Variants in ALS2CL observed in about 807,000 individuals in gnomAD.
ALS2CL encodes the protein ALS2 C-terminal like.
Under a neutral mutation model 127.9 loss-of-function variants are expected in ALS2CL, and 112 were observed. The ratio of observed to expected loss-of-function variants is 0.88; its 90% confidence interval spans 0.75 to 1.02. ALS2CL has a LOEUF of 1.02. Among genes scored for constraint, ALS2CL ranks in the 50% least tolerant of loss-of-function variants. The probability of loss-of-function intolerance (pLI) is 0.00; values close to 1 mark genes in which losing one functional copy is unlikely to be tolerated. For missense variants in ALS2CL, 1,174 were observed against 1,236.7 expected (o/e 0.95, Z 0.76); for synonymous variants, 519 against 527.6 (o/e 0.98, Z 0.22).
At chr3:46,680,691 G>C in intron 13 of ALS2CL, 150 bp from the exon 14 acceptor site, 1 of 661,104 alleles carries the variant, frequency 1.5e-6, no homozygotes, top group Non-Finnish European at 2.6e-6. Flanking sequence ...AGAGAGGTCA[G>C]GACCCCCAAG....
rs1698289825 is a variant in ALS2CL, at chr3:46,670,320, A to G, written c.*664T>C. On this transcript the variant is annotated 3_prime_UTR_variant, in exon 26 of 26. Transcript: ENST00000318962. This position sits in a 1 kb window ranked among gnomAD's most constrained non-coding sequence, Gnocchi z 5.5. ...GGTTTATTGGTCAGGGCCCAGGCAG[A>G]TGTCATGTGCCCCTGTTGTCCCCAC... is the stretch of plus-strand genomic sequence containing the variant. 1 of 152,396 alleles carries G rather than the reference A, an allele frequency of 6.6e-6. No homozygotes were observed. Among genetic ancestry groups the G allele is most frequent in the Non-Finnish European group, 1.5e-5 (1 of 68,236 alleles). 9.4% of individuals were successfully genotyped at this position (152,396 alleles called of 1,614,324 possible). A position where few individuals can be genotyped will look rare whatever the true frequency, so the allele number is the denominator to read the frequency against.
At chr3:46,691,303 T>C (rs1700138094) in intron 1 of ALS2CL, among the ~76,000 whole-genome samples, 1 of 152,090 alleles carries the variant, frequency 6.6e-6, no homozygotes, top group African/African-American at 2.4e-5. Context: ...TATCCAAGCC[T>C]GGTTGGGAAG....
Position 46,677,422 on chromosome 3 carries a change from G to A in ALS2CL, c.1758-400C>T, listed in dbSNP as rs529758160. ...CTGGTTCCTTCCTGTGGTTGATCCCGCCCTGGCCAACAGGCTGGGGCCTGG... is the reference window on the plus strand; with the variant it reads ...CTGGTTCCTTCCTGTGGTTGATCCCACCCTGGCCAACAGGCTGGGGCCTGG... On this transcript the variant is annotated intron_variant, in intron 16 of 25. Transcript: ENST00000318962. 47 of 1,036,592 alleles carry A rather than the reference G, an allele frequency of 4.5e-5. No individual in the cohort carries two copies. The East Asian group carries it at 1.6e-3, about 35-fold the overall frequency. The allele number at this position is 1,036,592 out of a possible 1,614,324, so 64.2% of individuals were successfully genotyped here.
intron 16 of ALS2CL, chr3:46,677,517 C>T: frequency 1.8e-6 from 1 of 565,750 alleles, no homozygotes; most frequent in Non-Finnish European, 2.3e-6. Context: ...CACACTCACA[C>T]CCAGGCTGGG....
In ALS2CL at chr3:46,670,736, T is replaced by A; in HGVS notation, c.*248A>T. The A allele has an allele frequency of 2.1e-6, 1 of 481,054 alleles. No homozygotes were observed. Among genetic ancestry groups the A allele is most frequent in the South Asian group, 2.2e-5 (1 of 44,862 alleles). 29.8% of individuals were successfully genotyped at this position (481,054 alleles called of 1,614,324 possible). ...GACTCCTCACCCCCAGCCTGTGAGC[T>A]GCTGCAGATTAAGGGGTCATTGAAG... On this transcript the variant is annotated 3_prime_UTR_variant, in exon 26 of 26. Transcript: ENST00000318962. The surrounding 1 kb of genome is among the most constrained non-coding windows in gnomAD (Gnocchi z 5.5).
chr3:46,675,693 G>A lies in ALS2CL; in HGVS notation c.2187-7C>T, dbSNP rs1452708727. Reference sequence around the variant, plus strand: ...GGCAACTCGCAGCAGACCCCTGTGAGTCAATGAGAGAGAAATGGTGTGGCT... The same window carrying A: ...GGCAACTCGCAGCAGACCCCTGTGAATCAATGAGAGAGAAATGGTGTGGCT... On this transcript the variant is annotated splice_polypyrimidine_tract_variant and splice_region_variant and intron_variant, in intron 19 of 25. Transcript: ENST00000318962. 5 of 1,613,338 alleles carry A rather than the reference G, an allele frequency of 3.1e-6. No individual in the cohort carries two copies. The highest frequency in any genetic ancestry group is 4.2e-6 in the Non-Finnish European group (5 of 1,180,014).
At chr3:46,678,506 C>A in intron 15 of ALS2CL, 117 bp from the exon 16 acceptor site, 1 of 1,334,924 alleles carries the variant, frequency 7.5e-7, no homozygotes, top group Non-Finnish European at 1.0e-6. Flanking sequence ...AATGAATGGG[C>A]TTCCCGCCAT....
intron 20 of ALS2CL, 23 bp from the exon 21 acceptor site, chr3:46,674,762 T>C: frequency 6.3e-7 from 1 of 1,574,912 alleles, no homozygotes; most frequent in African/African-American, 1.4e-5. Flanking sequence ...CCGGAACAGG[T>C]TGGGATGAGC....
intron 21 of ALS2CL, 38 bp downstream of exon 21, chr3:46,674,528 G>A (rs1253383447): frequency 1.3e-6 from 2 of 1,588,362 alleles, no homozygotes; most frequent in Non-Finnish European, 1.7e-6. Flanking sequence ...TCGAGTTTGA[G>A]TCCTGGCTAA....
In ALS2CL at chr3:46,681,172, GTCCTGCAACAA is replaced by G. The variant is rs1391296403; in HGVS notation, c.1436+63_1436+73del. 1 of 1,599,254 alleles carries G rather than the reference GTCCTGCAACAA, an allele frequency of 6.3e-7. No individual in the cohort carries two copies. The highest frequency in any genetic ancestry group is 1.1e-5 in the South Asian group (1 of 90,768). On this transcript the variant is annotated intron_variant, in intron 13 of 25. Coordinates refer to ENST00000318962, the MANE Select transcript of ALS2CL (RefSeq NM_147129.5). The surrounding 1 kb of genome is among the most constrained non-coding windows in gnomAD (Gnocchi z 4.9). ...CAGTGGGGGACAAACAGGAGCCTGTGTCCTGCAACAATCTGGTCTGTGAGGGCCCGGTCCAC... is the reference window on the plus strand; with the variant it reads ...CAGTGGGGGACAAACAGGAGCCTGTGTCTGGTCTGTGAGGGCCCGGTCCAC...
rs1403528490 is a variant in ALS2CL at position 46,686,891 on chromosome 3, A to C, written c.534+92T>G. On this transcript the variant is annotated intron_variant, in intron 5 of 25. Coordinates refer to ENST00000318962, the MANE Select transcript of ALS2CL (RefSeq NM_147129.5). The surrounding 1 kb of genome is among the most constrained non-coding windows in gnomAD (Gnocchi z 4.3). ...GGCATGGCTGAGTCCTTCTTGTACTAGGGTTCCTGAGTATAGGCTGAGCCC... is the reference window on the plus strand; with the variant it reads ...GGCATGGCTGAGTCCTTCTTGTACTCGGGTTCCTGAGTATAGGCTGAGCCC... The C allele has an allele frequency of 4.5e-6, 6 of 1,344,702 alleles. No homozygotes were observed. The highest frequency in any genetic ancestry group is 5.9e-6 in the Non-Finnish European group (6 of 1,025,430). The allele number at this position is 1,344,702 out of a possible 1,614,324, so 83.3% of individuals were successfully genotyped here.
chr3:46,679,193 G>T lies in ALS2CL; in HGVS notation c.1626+17C>A, dbSNP rs777725527. The T allele has an allele frequency of 1.3e-5, 20 of 1,551,142 alleles. No homozygotes were observed. In the South Asian group the frequency reaches 2.4e-4, roughly 19 times the overall value. ...AGGCCTTGGCAGGGTGTGGAGGGGG[G>T]CCTCAGTGGTCCTCACCTTCCCCAT... On this transcript the variant is annotated intron_variant, in intron 15 of 25. Coordinates refer to ENST00000318962, the MANE Select transcript of ALS2CL (RefSeq NM_147129.5).
intron 9 of ALS2CL, 112 bp downstream of exon 9, chr3:46,683,670 G>T: frequency 1.5e-6 from 2 of 1,356,930 alleles, no homozygotes; most frequent in Non-Finnish European, 2.1e-6. Flanking sequence ...CCAGAAGCCT[G>T]CCAGACACTC....
intron 7 of ALS2CL, 53 bp downstream of exon 7, chr3:46,685,472 A>T (rs1330503281): frequency 6.3e-7 from 1 of 1,593,042 alleles, no homozygotes; most frequent in East Asian, 2.3e-5. Context: ...TTTTCCAGCC[A>T]GACCCCAGAA....
chr3:46,676,517 T>G, intron 18 of ALS2CL, 115 bp from the exon 19 acceptor site: 2 of 1,548,212 alleles, frequency 1.3e-6, no homozygotes, highest in South Asian at 2.4e-5. Flanking sequence ...ACTGAGGTCC[T>G]CTGAGGACAA....
intron 24 of ALS2CL, 147 bp downstream of exon 24, chr3:46,671,737 A>G: frequency 6.6e-7 from 1 of 1,524,764 alleles, no homozygotes; most frequent in Non-Finnish European, 8.8e-7. Flanking sequence ...CCTGGCTGGG[A>G]CCCTCCCTTT....
Position 46,670,927 on chromosome 3 carries a change from G to A in ALS2CL, c.*57C>T. On this transcript the variant is annotated 3_prime_UTR_variant, in exon 26 of 26. Coordinates refer to ENST00000318962, the MANE Select transcript of ALS2CL (RefSeq NM_147129.5). This position sits in a 1 kb window ranked among gnomAD's most constrained non-coding sequence, Gnocchi z 5.5. ...TGTCCTGCCCCTTGCCTTGGGTAAT[G>A]AGGGACAGGCTGGCAGTGCCCTGCT... The A allele has an allele frequency of 1.9e-6, 3 of 1,544,502 alleles. No homozygotes were observed. The highest frequency in any genetic ancestry group is 2.7e-6 in the Non-Finnish European group (3 of 1,117,550).
Position 46,671,555 on chromosome 3 carries a change from A to C in ALS2CL, c.2714T>G (p.Leu905Arg). The C allele has an allele frequency of 6.2e-7, 1 of 1,613,978 alleles. No homozygotes were observed. ...GTTGGGGTCCATCATGTCACGGATC[A>C]GGTGGATCTCGGCTCCCAGGTGCTG... Reference protein sequence around the residue: ...RIQHLGAEIHLIRDMMDPNHT... With the variant: ...RIQHLGAEIHRIRDMMDPNHT... The change falls in exon 25 of 26, where the codon CTG (leucine) becomes CGG (arginine). Residue 905 changes from leucine (L) to arginine (R), a missense_variant. By Grantham distance (102) the Leu-to-Arg change is moderately radical (BLOSUM62 -2). Coordinates refer to ENST00000318962, the MANE Select transcript of ALS2CL (RefSeq NM_147129.5).
chr3:46,687,718 A>G, intron 3 of ALS2CL, 34 bp from the exon 4 acceptor site: 1 of 1,596,770 alleles, frequency 6.3e-7, no homozygotes, highest in Non-Finnish European at 8.5e-7. Flanking sequence ...CTGCAAACCC[A>G]GTCCTCAGCC....
Sources: gnomAD v4.1 joint callset for allele counts (sites outside exome capture counted in the v4.1 genomes callset) on GRCh38, gnomAD v4.1.1 for gene constraint, Gnocchi (gnomAD v3.1) non-coding constraint, MANE v1.5 for transcripts, NCBI Gene and HGNC (gene_info 2026-07-23, HGNC 2026-07-21) for gene names.